Variants in GTF2H4 observed in about 807,000 individuals in gnomAD.
The protein encoded by GTF2H4 is general transcription factor IIH subunit 4.
Under a neutral mutation model 62.2 loss-of-function variants are expected in GTF2H4, and 49 were observed. The ratio of observed to expected loss-of-function variants is 0.79; its 90% CI spans 0.63 to 1.00. The LOEUF (loss-of-function observed/expected upper bound fraction) is 1.00, where lower values mean the gene tolerates loss of function less well. Among genes scored for constraint, GTF2H4 ranks in the 50% least tolerant of loss-of-function variants. GTF2H4 has a pLI of 0.00. For synonymous variants in GTF2H4, 189 were observed against 233.8 expected (o/e 0.81, Z 1.75); for missense variants, 479 against 587.8 (o/e 0.81, Z 1.91).
chr6:30,914,003 G>A lies in GTF2H4; in HGVS notation c.*20G>A, dbSNP rs1329309452. On this transcript the variant is annotated 3_prime_UTR_variant, in exon 14 of 14. Coordinates refer to ENST00000259895, the MANE Select transcript of GTF2H4 (RefSeq NM_001517.5). ...TCCTGAGAGCGCGGGACTTGGACAC[G>A]GACCTCGGCGGGCGGGACTGGGCGG... is the stretch of plus-strand genomic sequence containing the variant. 1 of 1,569,058 alleles carries A rather than the reference G, an allele frequency of 6.4e-7. No individual in the cohort carries two copies. Among genetic ancestry groups the A allele is most frequent in the African/African-American group, 1.4e-5 (1 of 73,174 alleles).
In GTF2H4 at chr6:30,909,648, A is replaced by T. The variant is rs1444477743; in HGVS notation, c.242+109A>T. 3 of 698,990 alleles carry T rather than the reference A, an allele frequency of 4.3e-6. No individual in the cohort carries two copies. Among genetic ancestry groups the T allele is most frequent in the Admixed American group, 5.6e-5 (2 of 35,806 alleles). 43.3% of individuals were successfully genotyped at this position (698,990 alleles called of 1,614,324 possible). On this transcript the variant is annotated intron_variant, in intron 3 of 13. Transcript: ENST00000259895. The surrounding 1 kb of genome is among the most constrained non-coding windows in gnomAD (Gnocchi z 4.3). ...AGATATATCACAAAACTTAAAAATA[A>T]ATACATTTGGGAAACTCTGCATATT...
rs756154805 is a variant in GTF2H4, at chr6:30,910,586, C to T, written c.375-79C>T. ...CCTCAAGTGATCCGCCCATCTCGGC[C>T]TCCCAAAGTACAGGGATTACAGGTG... On this transcript the variant is annotated intron_variant, in intron 4 of 13. Coordinates refer to ENST00000259895, the MANE Select transcript of GTF2H4 (RefSeq NM_001517.5). The surrounding 1 kb of genome is among the most constrained non-coding windows in gnomAD (Gnocchi z 4.7). The T allele has an allele frequency of 2.9e-6, 3 of 1,038,680 alleles. No individual in the cohort carries two copies. The highest frequency in any genetic ancestry group is 4.5e-6 in the Non-Finnish European group (3 of 664,170). 64.3% of individuals were successfully genotyped at this position (1,038,680 alleles called of 1,614,324 possible).
chr6:30,911,763 G>C lies in GTF2H4; in HGVS notation c.821G>C (p.Arg274Thr), dbSNP rs1370917012. 6.2e-7 allele frequency: 1 copy of C among 1,612,526 alleles called. No homozygotes were observed. The highest frequency in any genetic ancestry group is 1.3e-5 in the African/African-American group (1 of 75,042). ...HLREFGLVFQRKRKSRRYYPT... is the reference protein window; with the variant it reads ...HLREFGLVFQTKRKSRRYYPT... ...CGTGAGTTTGGGCTTGTTTTCCAGA[G>C]GAAGGTATGAGCGCCTAGATAAGTG... The change falls in exon 9 of 14, where the codon AGG (arginine) becomes ACG (threonine). Residue 274 changes from arginine to threonine, a missense_variant. Physicochemically the swap from Arg to Thr is moderately conservative, Grantham distance 71. Transcript: ENST00000259895. The surrounding 1 kb of genome is among the most constrained non-coding windows in gnomAD (Gnocchi z 4.3).
Position 30,913,334 on chromosome 6 carries a change from C to G in GTF2H4, c.1163C>G (p.Thr388Ser), listed in dbSNP as rs757971571. The change falls in exon 13 of 14, where the codon ACC becomes AGC. Residue 388 changes from threonine to serine, a missense_variant. By Grantham distance (58) the Thr-to-Ser change is moderately conservative. Transcript: ENST00000259895. The surrounding 1 kb of genome is among the most constrained non-coding windows in gnomAD (Gnocchi z 4.2). ...ACACCTGTGCTGCCCCCCACCATCA[C>G]CGACCAGATCCGGCTCTGGGAGCTG... ...KQTPVLPPTI[T>S]DQIRLWELER... 17 of 1,613,322 alleles carry G rather than the reference C, an allele frequency of 1.1e-5. No individual in the cohort carries two copies. In the South Asian group the frequency reaches 1.9e-4, roughly 18 times the overall value.
rs1033288520 is a variant in GTF2H4, at chr6:30,913,869, G to C, written c.1275G>C (p.Ala425=). The change falls in exon 14 of 14, where the codon GCG becomes GCC. Residue 425 remains alanine, a synonymous_variant. Coordinates refer to ENST00000259895, the MANE Select transcript of GTF2H4 (RefSeq NM_001517.5). This position sits in a 1 kb window ranked among gnomAD's most constrained non-coding sequence, Gnocchi z 4.2. ...ACTTTGAGCTGCTGCTGGCCCACGCGCGGGAGCTGGGCGTGCTCGTGTTCG... is the reference window on the plus strand; with the variant it reads ...ACTTTGAGCTGCTGCTGGCCCACGCCCGGGAGCTGGGCGTGCTCGTGTTCG... ...QVDFELLLAH[A]RELGVLVFEN... is the part of the protein sequence containing the mutation. 12 of 1,607,374 alleles carry C rather than the reference G, an allele frequency of 7.5e-6. No homozygotes were observed. In the African/African-American group the frequency reaches 1.5e-4, roughly 20 times the overall value.
In GTF2H4 at chr6:30,909,304, G is replaced by T. The variant is rs1350578776; in HGVS notation, c.137+131G>T. ...CAAGGGTTGGAAATTGCTCTAAAGTGTGGAGGCCAAAACAGCAGGACTGGT... is the reference window on the plus strand; with the variant it reads ...CAAGGGTTGGAAATTGCTCTAAAGTTTGGAGGCCAAAACAGCAGGACTGGT... On this transcript the variant is annotated intron_variant, in intron 2 of 13. Coordinates refer to ENST00000259895, the MANE Select transcript of GTF2H4 (RefSeq NM_001517.5). This position sits in a 1 kb window ranked among gnomAD's most constrained non-coding sequence, Gnocchi z 4.3. 7.8e-7 allele frequency: 1 copy of T among 1,280,964 alleles called. No homozygotes were observed. The highest frequency in any genetic ancestry group is 1.1e-6 in the Non-Finnish European group (1 of 922,398). 79.3% of individuals were successfully genotyped at this position (1,280,964 alleles called of 1,614,324 possible).
chr6:30,911,924 C>A lies in GTF2H4; in HGVS notation c.826-90C>A. ...GGGAGAGAAGTTGGGGGTTGAGGTT[C>A]TGCATCTTGGGAGGGATCTGATATT... On this transcript the variant is annotated intron_variant, in intron 9 of 13. Coordinates refer to ENST00000259895, the MANE Select transcript of GTF2H4 (RefSeq NM_001517.5). The surrounding 1 kb of genome is among the most constrained non-coding windows in gnomAD (Gnocchi z 4.3). 6.6e-7 allele frequency: 1 copy of A among 1,522,640 alleles called. No homozygotes were observed. The highest frequency in any genetic ancestry group is 1.2e-5 in the South Asian group (1 of 85,570). 94.3% of individuals were successfully genotyped at this position (1,522,640 alleles called of 1,614,324 possible).
rs1277630599 is a variant in GTF2H4, at chr6:30,911,920, G to A, written c.826-94G>A. 1 of 1,511,936 alleles carries A rather than the reference G, an allele frequency of 6.6e-7. No homozygotes were observed. The highest frequency in any genetic ancestry group is 2.3e-5 in the East Asian group (1 of 44,346). 93.7% of individuals were successfully genotyped at this position (1,511,936 alleles called of 1,614,324 possible). ...TCGGGGGAGAGAAGTTGGGGGTTGA[G>A]GTTCTGCATCTTGGGAGGGATCTGA... On this transcript the variant is annotated intron_variant, in intron 9 of 13. Transcript: ENST00000259895. This position sits in a 1 kb window ranked among gnomAD's most constrained non-coding sequence, Gnocchi z 4.3.
chr6:30,911,225 G>C lies in GTF2H4; in HGVS notation c.628G>C (p.Ala210Pro). The C allele has an allele frequency of 6.2e-7, 1 of 1,613,658 alleles. No individual in the cohort carries two copies. The highest frequency in any genetic ancestry group is 8.5e-7 in the Non-Finnish European group (1 of 1,180,014). The change falls in exon 7 of 14, where the codon GCT (alanine) becomes CCT (proline). Residue 210 changes from alanine to proline, a missense_variant. By Grantham distance (27) the Ala-to-Pro change is conservative. Transcript: ENST00000259895. This position sits in a 1 kb window ranked among gnomAD's most constrained non-coding sequence, Gnocchi z 4.3. ...CCAGTTCCTGTTGCTGGACACCCCG[G>C]CTCAGCTCTGGTACTTTATGTTGCA... Reference protein sequence around the residue: ...GFQFLLLDTPAQLWYFMLQYL... With the variant: ...GFQFLLLDTPPQLWYFMLQYL...
Position 30,913,524 on chromosome 6 carries a change from C to A in GTF2H4, c.1216+137C>A. ...AGTTTTTTGTTGTTTTGGGGTGAGT[C>A]GGTAGTAAACAAATCGTCCCAAATC... is the stretch of plus-strand genomic sequence containing the variant. On this transcript the variant is annotated intron_variant, in intron 13 of 13. Transcript: ENST00000259895. This position sits in a 1 kb window ranked among gnomAD's most constrained non-coding sequence, Gnocchi z 4.2. The A allele has an allele frequency of 3.1e-6, 3 of 959,806 alleles. No homozygotes were observed. The highest frequency in any genetic ancestry group is 3.4e-5 in the South Asian group (2 of 59,426). The allele number at this position is 959,806 out of a possible 1,614,324, so 59.5% of individuals were successfully genotyped here.
Position 30,913,222 on chromosome 6 carries a change from G to A in GTF2H4, c.1137+65G>A. On this transcript the variant is annotated intron_variant, in intron 12 of 13. Transcript: ENST00000259895. The surrounding 1 kb of genome is among the most constrained non-coding windows in gnomAD (Gnocchi z 4.2). The stretch of plus-strand genomic sequence containing the variant: ...TGATGACATGATGGAAAAGAAAAAG[G>A]GGCATCCAAATCTGGGGAAGAAACA... The A allele has an allele frequency of 6.2e-7, 1 of 1,612,774 alleles. No individual in the cohort carries two copies. The highest frequency in any genetic ancestry group is 8.5e-7 in the Non-Finnish European group (1 of 1,178,986).
In GTF2H4 at chr6:30,911,467, C is replaced by T. The variant is rs1271500453; in HGVS notation, c.709C>T (p.Leu237Phe). Reference sequence around the variant, plus strand: ...GGACCTGGTAGAGATTCTCTCCTTCCTCTTCCAGCTCAGCTTCTCTACTCT... The same window carrying T: ...GGACCTGGTAGAGATTCTCTCCTTCTTCTTCCAGCTCAGCTTCTCTACTCT... ...GMDLVEILSF[L>F]FQLSFSTLGK... Residue 237 changes from leucine to phenylalanine, a missense_variant, in exon 8 of 14, where the codon CTC becomes TTC. Coordinates refer to ENST00000259895, the MANE Select transcript of GTF2H4 (RefSeq NM_001517.5). The surrounding 1 kb of genome is among the most constrained non-coding windows in gnomAD (Gnocchi z 4.3). 3 of 1,614,090 alleles carry T rather than the reference C, an allele frequency of 1.9e-6. No individual in the cohort carries two copies. Among genetic ancestry groups the T allele is most frequent in the Non-Finnish European group, 2.5e-6 (3 of 1,179,940 alleles).
Position 30,913,516 on chromosome 6 carries a change from G to T in GTF2H4, c.1216+129G>T. On this transcript the variant is annotated intron_variant, in intron 13 of 13. Transcript: ENST00000259895. This position sits in a 1 kb window ranked among gnomAD's most constrained non-coding sequence, Gnocchi z 4.2. ...GGCAAGACAGTTTTTTGTTGTTTTG[G>T]GGTGAGTCGGTAGTAAACAAATCGT... The T allele has an allele frequency of 1.9e-6, 2 of 1,053,784 alleles. No individual in the cohort carries two copies. The highest frequency in any genetic ancestry group is 1.4e-6 in the Non-Finnish European group (1 of 727,332). The allele number at this position is 1,053,784 out of a possible 1,614,324, so 65.3% of individuals were successfully genotyped here.
chr6:30,914,017 G>A lies in GTF2H4; in HGVS notation c.*34G>A. On this transcript the variant is annotated 3_prime_UTR_variant, in exon 14 of 14. Transcript: ENST00000259895. Reference sequence around the variant, plus strand: ...GACTTGGACACGGACCTCGGCGGGCGGGACTGGGCGGGGCGGGGCATCAGA... The same window carrying A: ...GACTTGGACACGGACCTCGGCGGGCAGGACTGGGCGGGGCGGGGCATCAGA... 1 of 1,518,294 alleles carries A rather than the reference G, an allele frequency of 6.6e-7. No homozygotes were observed. The highest frequency in any genetic ancestry group is 9.0e-7 in the Non-Finnish European group (1 of 1,117,046). 94.1% of individuals were successfully genotyped at this position (1,518,294 alleles called of 1,614,324 possible).
At position 30,909,858 on chromosome 6, in the gene GTF2H4, G is replaced by A; in HGVS notation, c.243-74G>A. ...CCAAGGGTCAGCAAGTTCAGAACAGGCAGAGATGGTGGCTTTTATGGGCCT... is the reference window on the plus strand; with the variant it reads ...CCAAGGGTCAGCAAGTTCAGAACAGACAGAGATGGTGGCTTTTATGGGCCT... On this transcript the variant is annotated intron_variant, in intron 3 of 13. Coordinates refer to ENST00000259895, the MANE Select transcript of GTF2H4 (RefSeq NM_001517.5). This position sits in a 1 kb window ranked among gnomAD's most constrained non-coding sequence, Gnocchi z 4.3. 6.9e-7 allele frequency: 1 copy of A among 1,445,768 alleles called. No individual in the cohort carries two copies. The highest frequency in any genetic ancestry group is 9.5e-7 in the Non-Finnish European group (1 of 1,056,724). The allele number at this position is 1,445,768 out of a possible 1,614,324, so 89.6% of individuals were successfully genotyped here.
chr6:30,909,255 T>C lies in GTF2H4; in HGVS notation c.137+82T>C. On this transcript the variant is annotated intron_variant, in intron 2 of 13. Transcript: ENST00000259895. This position sits in a 1 kb window ranked among gnomAD's most constrained non-coding sequence, Gnocchi z 4.3. ...TATCATAGGTAAAAGTGTAGCAGCC[T>C]GGAGTCGGGGTGGGGACTGGGGGCA... is the stretch of plus-strand genomic sequence containing the variant. The C allele has an allele frequency of 6.7e-7, 1 of 1,493,568 alleles. No homozygotes were observed. Among genetic ancestry groups the C allele is most frequent in the South Asian group, 1.3e-5 (1 of 78,336 alleles). 92.5% of individuals were successfully genotyped at this position (1,493,568 alleles called of 1,614,324 possible). A position where few individuals can be genotyped will look rare whatever the true frequency, so the allele number is the denominator to read the frequency against.
rs1282377274 is a variant in GTF2H4 at position 30,911,988 on chromosome 6, G to C, written c.826-26G>C. On this transcript the variant is annotated intron_variant, in intron 9 of 13. Transcript: ENST00000259895. The surrounding 1 kb of genome is among the most constrained non-coding windows in gnomAD (Gnocchi z 4.3). ...TGTAAGGCAGTGACTTCTGAGACAA[G>C]GCATCTGCCTTTCTATTCTTTTCAG... The C allele has an allele frequency of 6.2e-7, 1 of 1,610,850 alleles. No individual in the cohort carries two copies. Among genetic ancestry groups the C allele is most frequent in the African/African-American group, 1.3e-5 (1 of 74,796 alleles).
In GTF2H4 at chr6:30,911,848, T is replaced by TG. The variant is rs1793774755; in HGVS notation, c.825+85dup. 7.0e-7 allele frequency: 1 copy of TG among 1,437,754 alleles called. No individual in the cohort carries two copies. Among genetic ancestry groups the TG allele is most frequent in the Non-Finnish European group, 9.8e-7 (1 of 1,025,400 alleles). 89.1% of individuals were successfully genotyped at this position (1,437,754 alleles called of 1,614,324 possible). A position where few individuals can be genotyped will look rare whatever the true frequency, so the allele number is the denominator to read the frequency against. On this transcript the variant is annotated intron_variant, in intron 9 of 13. Coordinates refer to ENST00000259895, the MANE Select transcript of GTF2H4 (RefSeq NM_001517.5). This position sits in a 1 kb window ranked among gnomAD's most constrained non-coding sequence, Gnocchi z 4.3. ...TTGCCTTTAAAAAGGAGTGGGGTCT[T>TG]GGGGCAGTAGCAGGAAGCAGTTGCC...
At position 30,909,003 on chromosome 6, in the gene GTF2H4, A is replaced by C; in HGVS notation, c.-3-31A>C. The C allele has an allele frequency of 6.2e-7, 1 of 1,613,284 alleles. No individual in the cohort carries two copies. The highest frequency in any genetic ancestry group is 8.5e-7 in the Non-Finnish European group (1 of 1,179,814). The stretch of plus-strand genomic sequence containing the variant: ...AGGGGTGACACTGGCATGGATGGTG[A>C]GGTTGCACTTCTGACGTTTGCATTC... On this transcript the variant is annotated intron_variant, in intron 1 of 13. Coordinates refer to ENST00000259895, the MANE Select transcript of GTF2H4 (RefSeq NM_001517.5). This position sits in a 1 kb window ranked among gnomAD's most constrained non-coding sequence, Gnocchi z 4.3.
Sources: gnomAD v4.1 joint callset for allele counts on GRCh38, gnomAD v4.1.1 for gene constraint, Gnocchi (gnomAD v3.1) non-coding constraint, MANE v1.5 for transcripts, NCBI Gene and HGNC (gene_info 2026-07-23, HGNC 2026-07-21) for gene names.